Variants in FILIP1L observed in about 807,000 individuals in gnomAD.
FILIP1L encodes the protein filamin A-interacting protein 1-like.
Under a neutral mutation model 96.6 loss-of-function variants are expected in FILIP1L, and 55 were observed. The observed-to-expected ratio is 0.57, with a 90% CI of 0.46 to 0.71. The LOEUF is 0.71. FILIP1L is among the 30% of genes least tolerant of loss of function. The probability of loss-of-function intolerance (pLI) is 0.00; values close to 1 mark genes in which losing one functional copy is unlikely to be tolerated. For missense variants in FILIP1L, 1,304 were observed against 1,321.2 expected (o/e 0.99, Z 0.20); for synonymous variants, 467 against 473.9 (o/e 0.99, Z 0.19).
chr3:100,067,676 A>C (rs1051370903), intron 1 of FILIP1L, among the ~76,000 whole-genome samples: 2 of 152,214 alleles, frequency 1.3e-5, no homozygotes, highest in Non-Finnish European at 2.9e-5. Context: ...TACTGGTTTG[A>C]TAATAAACTG....
chr3:99,919,665 T>C (rs1707063260), intron 4 of FILIP1L, among the ~76,000 whole-genome samples: 1 of 151,884 alleles, frequency 6.6e-6, no homozygotes, highest in Admixed American at 6.6e-5. Flanking sequence ...AACAGTAGGG[T>C]CAAATATGGC....
At chr3:100,064,828 G>T (rs1198392990) in intron 1 of FILIP1L, among the ~76,000 whole-genome samples, 1 of 146,596 alleles carries the variant, frequency 6.8e-6, no homozygotes, top group Non-Finnish European at 1.5e-5. Context: ...TCAGCAGTTG[G>T]ATTTCCACAC....
At chr3:99,974,638 C>T (rs1283409927) in intron 1 of FILIP1L, among the ~76,000 whole-genome samples, 5 of 151,908 alleles carry the variant, frequency 3.3e-5, no homozygotes, top group African/African-American at 9.7e-5. Flanking sequence ...ACCCAGGAGG[C>T]GGAGGTTGTG....
intron 1 of FILIP1L, among the ~76,000 whole-genome samples, chr3:100,014,891 C>CTTTTTTTTTTTTTTTTTTTTTTTTTTT (rs1710284139): frequency 1.5e-4 from 4 of 27,224 alleles, no homozygotes; most frequent in East Asian, 9.9e-4. Context: ...TTTTTTCTTT[C>CTTTTTTTTTTTTTTTTTTTTTTTTTTT]TTTCTTTTTT....
intron 4 of FILIP1L, among the ~76,000 whole-genome samples, chr3:99,857,252 C>T (rs549959224): frequency 6.6e-6 from 1 of 152,302 alleles, no homozygotes; most frequent in South Asian, 2.1e-4. Flanking sequence ...GAGTGGGTTT[C>T]CCATCAGTGT....
chr3:99,832,055 C>A (rs1031229307), intron 5 of FILIP1L, among the ~76,000 whole-genome samples: 2 of 152,140 alleles, frequency 1.3e-5, no homozygotes, highest in Non-Finnish European at 2.9e-5. Context: ...ATGGTGGTCA[C>A]TGATACTTTC....
intron 1 of FILIP1L, among the ~76,000 whole-genome samples, chr3:100,008,992 C>T (rs4928236): frequency 0.8 from 121,650 of 152,218 alleles, 48,796 homozygotes; most frequent in East Asian, 0.88. Flanking sequence ...TCATATGCAA[C>T]GATAGTTTTA....
chr3:100,069,930 G>C (rs756778694), intron 1 of FILIP1L, among the ~76,000 whole-genome samples: 8 of 152,186 alleles, frequency 5.3e-5, no homozygotes, highest in Non-Finnish European at 1.0e-4. Context: ...AATCTGGTTT[G>C]ATAGGGTAAT....
intron 1 of FILIP1L, among the ~76,000 whole-genome samples, chr3:100,009,508 GA>G (rs140245482): frequency 0.084 from 12,815 of 152,082 alleles, 723 homozygotes; most frequent in Middle Eastern, 0.19. Flanking sequence ...CGGTATAGGG[GA>G]AACTTTCGTC....
chr3:100,098,486 C>G (rs922885047), intron 1 of FILIP1L, among the ~76,000 whole-genome samples: 1 of 152,144 alleles, frequency 6.6e-6, no homozygotes, highest in African/African-American at 2.4e-5. Flanking sequence ...AGCATGGTAC[C>G]AGGCAGATAG....
At chr3:99,951,336 C>T (rs1467911735) in intron 1 of FILIP1L, among the ~76,000 whole-genome samples, 1 of 152,146 alleles carries the variant, frequency 6.6e-6, no homozygotes, top group African/African-American at 2.4e-5. Context: ...TAAAGAATTT[C>T]AACCTCCCCC....
chr3:100,101,004 G>T (rs1045023047), intron 1 of FILIP1L, among the ~76,000 whole-genome samples: 1 of 152,136 alleles, frequency 6.6e-6, no homozygotes, highest in Admixed American at 6.6e-5. Flanking sequence ...GATGACAGTG[G>T]CATCTCACTT....
At chr3:99,998,606 A>G (rs1313039532) in intron 1 of FILIP1L, among the ~76,000 whole-genome samples, 1 of 152,204 alleles carries the variant, frequency 6.6e-6, no homozygotes, top group African/African-American at 2.4e-5. Context: ...TCCAGCACCC[A>G]TGCTGGAGTG....
intron 1 of FILIP1L, among the ~76,000 whole-genome samples, chr3:100,082,292 C>A (rs1174903661): frequency 6.6e-6 from 1 of 152,088 alleles, no homozygotes; most frequent in African/African-American, 2.4e-5. Context: ...AAAGTAAATA[C>A]TACTTATTAC....
chr3:100,062,629 G>C (rs2065593588), intron 1 of FILIP1L, among the ~76,000 whole-genome samples: 1 of 152,160 alleles, frequency 6.6e-6, no homozygotes, highest in South Asian at 2.1e-4. Flanking sequence ...TCTGCTGCCT[G>C]TCTTTTAACA....
chr3:99,975,987 C>T lies in FILIP1L; in HGVS notation c.-10-44957G>A, dbSNP rs149965175. 2.2e-3 allele frequency among the ~76,000 whole-genome samples: 329 copies of T among 152,240 alleles called. 3 individuals carry two copies. Among genetic ancestry groups the T allele is most frequent in the African/African-American group, 7.3e-3 (302 of 41,550 alleles). ...GCAACCTCCGCCTCCTGGGTTCAAG[C>T]GATTCTCCTGCCTCAGCCTCCCAAG... On this transcript the variant is annotated intron_variant, in intron 1 of 5. Coordinates refer to ENST00000477258, the MANE Select transcript of FILIP1L (RefSeq NM_001387850.1).
chr3:100,059,427 T>G (rs1386869969), intron 1 of FILIP1L, among the ~76,000 whole-genome samples: 1 of 152,232 alleles, frequency 6.6e-6, no homozygotes, highest in Non-Finnish European at 1.5e-5. Flanking sequence ...TTTCCCCTGC[T>G]TCTTCACTCT....
chr3:99,890,137 A>G (rs2107613372), intron 4 of FILIP1L, among the ~76,000 whole-genome samples: 1 of 152,126 alleles, frequency 6.6e-6, no homozygotes, highest in South Asian at 2.1e-4. Context: ...GAGGATTTTT[A>G]CTGGGTATAG....
intron 1 of FILIP1L, among the ~76,000 whole-genome samples, chr3:100,001,219 A>G (rs1427494852): frequency 6.6e-6 from 1 of 152,238 alleles, no homozygotes; most frequent in East Asian, 1.9e-4. Flanking sequence ...TTAATAGTAT[A>G]CTATGACCAG....
Sources: allele counts gnomAD v4.1 joint callset (sites outside exome capture counted in the v4.1 genomes callset), GRCh38; gene constraint gnomAD v4.1.1; transcripts MANE v1.5; gene names NCBI Gene and HGNC (gene_info 2026-07-23, HGNC 2026-07-21).